The following R3HCC1L variants were observed in gnomAD, a reference collection of about 807,000 sequenced individuals.
R3HCC1L encodes coiled-coil domain-containing protein R3HCC1L.
R3HCC1L carries 51 observed loss-of-function variants against 59.9 expected under a neutral mutation model. That is an observed-to-expected ratio of 0.85 (90% CI 0.68 to 1.07). The LOEUF (loss-of-function observed/expected upper bound fraction) is 1.07, where lower values mean the gene tolerates loss of function less well. Ranked by LOEUF, R3HCC1L falls within the 50% of genes least tolerant of loss-of-function variation. The probability of loss-of-function intolerance (pLI) is 0.00; values close to 1 mark genes in which losing one functional copy is unlikely to be tolerated. For missense variants in R3HCC1L, 965 were observed against 933.0 expected (o/e 1.03, Z -0.45); for synonymous variants, 322 against 315.2 (o/e 1.02, Z -0.23).
chr10:98,240,756 C>T (rs968012848), intron 9 of R3HCC1L, among the ~76,000 whole-genome samples: 3 of 147,568 alleles, frequency 2.0e-5, no homozygotes, highest in African/African-American at 7.4e-5. Flanking sequence ...ATTTTCTTGG[C>T]GTTTTTTCTC....
chr10:98,165,576 T>C (rs533241054), intron 4 of R3HCC1L, among the ~76,000 whole-genome samples: 1 of 152,240 alleles, frequency 6.6e-6, no homozygotes, highest in Non-Finnish European at 1.5e-5. Context: ...TAGCAAGCAT[T>C]GTCAGACATC....
intron 2 of R3HCC1L, among the ~76,000 whole-genome samples, chr10:98,157,829 C>G (rs916295020): frequency 2.1e-4 from 32 of 152,264 alleles, no homozygotes; most frequent in African/African-American, 7.7e-4. Context: ...AGCTATAAGA[C>G]TAACTGGATA....
chr10:98,240,061 T>C (rs1054951188), intron 9 of R3HCC1L, among the ~76,000 whole-genome samples: 3 of 152,122 alleles, frequency 2.0e-5, no homozygotes, highest in Non-Finnish European at 4.4e-5. Context: ...ATCCCAGCAT[T>C]TTGGGATGCC....
intron 4 of R3HCC1L, among the ~76,000 whole-genome samples, chr10:98,190,390 C>G (rs947758798): frequency 4.6e-5 from 7 of 152,026 alleles, no homozygotes; most frequent in African/African-American, 1.7e-4. Flanking sequence ...ATTTTTTACT[C>G]ATGTTTTCTC....
chr10:98,176,867 CATTT>C (rs1356218205), intron 4 of R3HCC1L, among the ~76,000 whole-genome samples: 1 of 151,602 alleles, frequency 6.6e-6, no homozygotes, highest in Admixed American at 6.6e-5. Flanking sequence ...TTGTAGATAA[CATTT>C]ATCAGGATGA....
Position 98,209,072 on chromosome 10 carries a change from A to T in R3HCC1L, c.958A>T (p.Ser320Cys). Residue 320 changes from serine to cysteine, a missense_variant, in exon 5 of 10, where the codon AGC (serine) becomes TGC (cysteine). Physicochemically the swap from Ser to Cys is moderately radical, Grantham distance 112. Coordinates refer to ENST00000298999, the MANE Select transcript of R3HCC1L (RefSeq NM_001351015.2). ...ATMGHISLSESTNDTVSPVMI... is the reference protein window; with the variant it reads ...ATMGHISLSECTNDTVSPVMI... The stretch of plus-strand genomic sequence containing the variant: ...TATGGGTCACATCTCTCTGTCAGAG[A>T]GCACAAATGACACTGTTAGTCCAGT... 1 of 1,613,970 alleles carries T rather than the reference A, an allele frequency of 6.2e-7. No homozygotes were observed.
chr10:98,158,228 A>G (rs909749761), intron 2 of R3HCC1L, among the ~76,000 whole-genome samples: 4 of 152,168 alleles, frequency 2.6e-5, no homozygotes, highest in Non-Finnish European at 4.4e-5. Context: ...TAAATGGGGC[A>G]TACTATATGC....
intron 1 of R3HCC1L, among the ~76,000 whole-genome samples, chr10:98,141,638 C>G (rs1197330647): frequency 1.3e-5 from 2 of 152,182 alleles, no homozygotes; most frequent in Admixed American, 6.5e-5. Context: ...GACTTTATGG[C>G]TGGTACTTAG....
chr10:98,228,310 G>C (rs2135569603), intron 5 of R3HCC1L, among the ~76,000 whole-genome samples: 1 of 152,266 alleles, frequency 6.6e-6, no homozygotes, highest in South Asian at 2.1e-4. Flanking sequence ...TTGTGGTTTT[G>C]ATTTGCATTT....
intron 2 of R3HCC1L, among the ~76,000 whole-genome samples, chr10:98,162,002 T>C (rs1847461649): frequency 6.6e-6 from 1 of 152,168 alleles, no homozygotes; most frequent in Non-Finnish European, 1.5e-5. Flanking sequence ...GAGATTTCTG[T>C]CCAAGAACAA....
At chr10:98,153,628 A>T (rs1590431613) in intron 1 of R3HCC1L, among the ~76,000 whole-genome samples, 1 of 150,314 alleles carries the variant, frequency 6.7e-6, no homozygotes. Flanking sequence ...AAAAAAAAAA[A>T]AAAGAAGTTT....
chr10:98,214,338 G>T (rs922187607), intron 5 of R3HCC1L, among the ~76,000 whole-genome samples: 2 of 152,152 alleles, frequency 1.3e-5, no homozygotes, highest in East Asian at 1.9e-4. Flanking sequence ...GATATGGCAT[G>T]TGGAGTATGG....
intron 4 of R3HCC1L, among the ~76,000 whole-genome samples, chr10:98,198,611 AT>A (rs1324424063): frequency 6.6e-6 from 1 of 151,640 alleles, no homozygotes; most frequent in Non-Finnish European, 1.5e-5. Flanking sequence ...TGCCTCTCAG[AT>A]TGTTATCTAA....
Position 98,154,139 on chromosome 10 carries a change from GATACTTTCAACC to G in R3HCC1L, c.-267-1950_-267-1939del, listed in dbSNP as rs1846577329. 2.3e-5 allele frequency among the ~76,000 whole-genome samples: 3 copies of G among 127,742 alleles called. No homozygotes were observed. The Admixed American group carries it at 2.9e-4, about 12-fold the overall frequency. 83.8% of individuals were successfully genotyped at this position (127,742 alleles called of 152,430 possible). The stretch of plus-strand genomic sequence containing the variant: ...CTGTGGATATCATGCAGGCCTTTTT[GATACTTTCAACC>G]ATATCGTTATACTACAGAGCAGAGA... On this transcript the variant is annotated intron_variant, in intron 1 of 9. Transcript: ENST00000298999.
At chr10:98,185,694 G>A (rs1386282278) in intron 4 of R3HCC1L, among the ~76,000 whole-genome samples, 1 of 152,206 alleles carries the variant, frequency 6.6e-6, no homozygotes, top group African/African-American at 2.4e-5. Flanking sequence ...AAATTGGTTG[G>A]AGCCAGGTTA....
intron 5 of R3HCC1L, among the ~76,000 whole-genome samples, chr10:98,217,136 A>G (rs1854300228): frequency 6.6e-6 from 1 of 152,198 alleles, no homozygotes; most frequent in East Asian, 1.9e-4. Flanking sequence ...GCTGTCATAC[A>G]GAGTTTTATA....
chr10:98,208,053 A>C (rs1349560158), intron 4 of R3HCC1L, 48 bp from the exon 5 acceptor site: 2 of 1,498,236 alleles, frequency 1.3e-6, no homozygotes, highest in South Asian at 1.3e-5. Flanking sequence ...ATTTTGGTTC[A>C]ATACATTGTA....
At chr10:98,237,251 G>A (rs1590844066) in intron 9 of R3HCC1L, among the ~76,000 whole-genome samples, 1 of 152,182 alleles carries the variant, frequency 6.6e-6, no homozygotes, top group Admixed American at 6.5e-5. Flanking sequence ...AACATAACCG[G>A]ATTCCTTGGG....
chr10:98,142,170 A>G (rs370852736), intron 1 of R3HCC1L, among the ~76,000 whole-genome samples: 2 of 152,178 alleles, frequency 1.3e-5, no homozygotes, highest in African/African-American at 4.8e-5. Flanking sequence ...TGAATTTGCA[A>G]GTTGGTCAAT....
Sources: allele counts gnomAD v4.1 joint callset (sites outside exome capture counted in the v4.1 genomes callset), GRCh38; gene constraint gnomAD v4.1.1; transcripts MANE v1.5; gene names NCBI Gene and HGNC (gene_info 2026-07-23, HGNC 2026-07-21).